TYW1B: variants seen among roughly 807,000 people sequenced by gnomAD.
TYW1B encodes S-adenosyl-L-methionine-dependent tRNA 4-demethylwyosine synthase TYW1B.
Under a neutral mutation model 86.9 loss-of-function variants are expected in TYW1B, and 73 were observed. The ratio of observed to expected loss-of-function variants is 0.84; its 90% CI spans 0.70 to 1.02. The LOEUF is 1.02. Among genes scored for constraint, TYW1B ranks in the 50% least tolerant of loss-of-function variants. The pLI, the probability that TYW1B is intolerant of heterozygous loss-of-function variation, is 0.00. For synonymous variants in TYW1B, 248 were observed against 292.8 expected (o/e 0.85, Z 1.56); for missense variants, 637 against 827.4 (o/e 0.77, Z 2.82).
At chr7:72,663,739 G>A (rs1813391297) in intron 11 of TYW1B, among the ~76,000 whole-genome samples, 1 of 143,268 alleles carries the variant, frequency 7.0e-6, no homozygotes, top group Admixed American at 7.0e-5. Context: ...ACTCCAGCCT[G>A]GGAGACAGCA....
At chr7:72,696,664 G>C (rs1451050902) in intron 10 of TYW1B, among the ~76,000 whole-genome samples, 2 of 152,052 alleles carry the variant, frequency 1.3e-5, no homozygotes, top group Non-Finnish European at 2.9e-5. Flanking sequence ...GATTTCAGCA[G>C]ACAGAATTTT....
chr7:72,621,064 C>T (rs2129568518), intron 12 of TYW1B, among the ~76,000 whole-genome samples: 1 of 152,290 alleles, frequency 6.6e-6, no homozygotes, highest in African/African-American at 2.4e-5. Flanking sequence ...AGCGTTCAAA[C>T]CTCATGCTGA....
chr7:72,605,781 A>G (rs559191080), intron 13 of TYW1B, among the ~76,000 whole-genome samples: 1 of 152,344 alleles, frequency 6.6e-6, no homozygotes, highest in Admixed American at 6.5e-5. Context: ...TCTTTCCAGT[A>G]ACACTGCAAC....
chr7:72,742,978 G>A (rs1242883020), intron 8 of TYW1B, among the ~76,000 whole-genome samples: 11 of 152,134 alleles, frequency 7.2e-5, no homozygotes, highest in South Asian at 2.1e-4. Context: ...GAGAAGAAAT[G>A]TCTAGTCTGG....
intron 6 of TYW1B, among the ~76,000 whole-genome samples, chr7:72,798,218 C>T (rs1788343074): frequency 1.3e-5 from 2 of 151,906 alleles, no homozygotes; most frequent in South Asian, 2.1e-4. Flanking sequence ...GGTGAAACCC[C>T]GTCTCTACCA....
intron 11 of TYW1B, among the ~76,000 whole-genome samples, chr7:72,660,243 G>A (rs1813297442): frequency 6.6e-6 from 1 of 151,994 alleles, no homozygotes; most frequent in Non-Finnish European, 1.5e-5. Context: ...GTGTGATGGT[G>A]CATGCCTGTG....
intron 11 of TYW1B, among the ~76,000 whole-genome samples, chr7:72,668,746 T>C (rs1378681548): frequency 6.6e-6 from 1 of 152,206 alleles, no homozygotes; most frequent in Non-Finnish European, 1.5e-5. Context: ...TCTAACTCCC[T>C]ATCAGTCTGT....
At chr7:72,694,916 CA>C in intron 10 of TYW1B, 94 bp from the exon 11 acceptor site, 1 of 1,408,464 alleles carries the variant, frequency 7.1e-7, no homozygotes, top group Admixed American at 2.6e-5. Flanking sequence ...GGGTATTAAA[CA>C]CTTCACAGGG....
intron 13 of TYW1B, among the ~76,000 whole-genome samples, chr7:72,609,956 ACT>A (rs1811895742): frequency 6.6e-6 from 1 of 152,164 alleles, no homozygotes; most frequent in Admixed American, 6.5e-5. Flanking sequence ...GGAACAGAGT[ACT>A]CACTGGGACA....
intron 8 of TYW1B, among the ~76,000 whole-genome samples, chr7:72,730,877 G>C (rs1554459762): frequency 6.9e-6 from 1 of 144,846 alleles, no homozygotes; most frequent in African/African-American, 2.5e-5. Flanking sequence ...TTTTGGGAGA[G>C]ATATGGACAT....
chr7:72,697,200 A>C (rs1277997317), intron 10 of TYW1B, among the ~76,000 whole-genome samples: 2 of 152,188 alleles, frequency 1.3e-5, no homozygotes, highest in African/African-American at 4.8e-5. Context: ...TGAACAGTAC[A>C]TTCCAAAGGC....
At chr7:72,787,494 C>G (rs1554472682) in intron 6 of TYW1B, among the ~76,000 whole-genome samples, 4 of 147,522 alleles carry the variant, frequency 2.7e-5, no homozygotes, top group Non-Finnish European at 5.9e-5. Context: ...TGGTGGCTCA[C>G]GTTTGTAATC....
intron 11 of TYW1B, among the ~76,000 whole-genome samples, chr7:72,629,348 A>G (rs1195289495): frequency 6.6e-6 from 1 of 152,164 alleles, no homozygotes; most frequent in Non-Finnish European, 1.5e-5. Flanking sequence ...AATTAATTGA[A>G]ATGCCCTCTA....
At chr7:72,684,553 T>C (rs1300785308) in intron 11 of TYW1B, among the ~76,000 whole-genome samples, 16 of 152,084 alleles carry the variant, frequency 1.1e-4, no homozygotes, top group Non-Finnish European at 2.4e-4. Context: ...TAGATCTTCC[T>C]TGAAAGAAAT....
At chr7:72,811,131 C>T (rs1206696602) in intron 3 of TYW1B, among the ~76,000 whole-genome samples, 1 of 151,488 alleles carries the variant, frequency 6.6e-6, no homozygotes, top group East Asian at 1.9e-4. Context: ...ATTAGACAGG[C>T]GTGGTGGTGG....
rs1242185058 is a variant in TYW1B, at chr7:72,729,079, ACT to A, written c.1083-150_1083-149del. 6.0e-6 allele frequency: 4 copies of A among 668,426 alleles called. No homozygotes were observed. In the African/African-American group the frequency reaches 7.3e-5, roughly 12 times the overall value. The allele number at this position is 668,426 out of a possible 1,614,324, so 41.4% of individuals were successfully genotyped here. A position where few individuals can be genotyped will look rare whatever the true frequency, so the allele number is the denominator to read the frequency against. On this transcript the variant is annotated intron_variant, in intron 8 of 13. Transcript: ENST00000620995. ...CAACCACGTATAGTGGTATTTTCCAACTTATTTTAAATCGTGACACCCAACAG... is the reference window on the plus strand; with the variant it reads ...CAACCACGTATAGTGGTATTTTCCAATATTTTAAATCGTGACACCCAACAG...
chr7:72,588,783 T>C (rs1332865462), intron 13 of TYW1B, among the ~76,000 whole-genome samples: 2 of 152,168 alleles, frequency 1.3e-5, no homozygotes, highest in African/African-American at 4.8e-5. Context: ...TGAATTCTAG[T>C]TGTGTCCTAT....
chr7:72,648,022 T>G (rs1812970415), intron 11 of TYW1B, among the ~76,000 whole-genome samples: 1 of 152,136 alleles, frequency 6.6e-6, no homozygotes, highest in Non-Finnish European at 1.5e-5. Context: ...GATGAATTTT[T>G]TAAAAGCTGA....
At chr7:72,610,199 C>T (rs188789942) in intron 13 of TYW1B, among the ~76,000 whole-genome samples, 7 of 152,090 alleles carry the variant, frequency 4.6e-5, no homozygotes, top group South Asian at 2.1e-4. Context: ...GAAACCTCCA[C>T]GTTAGGGTAT....
Sources: gnomAD v4.1 joint callset for allele counts (sites outside exome capture counted in the v4.1 genomes callset) on GRCh38, gnomAD v4.1.1 for gene constraint, MANE v1.5 for transcripts, NCBI Gene and HGNC (gene_info 2026-07-23, HGNC 2026-07-21) for gene names.